ZNF804B: variants seen among roughly 807,000 people sequenced by gnomAD.
The protein encoded by ZNF804B is zinc finger protein 804B.
In ZNF804B, 80 loss-of-function variants were observed where a neutral mutation model predicts 101.4. The ratio of observed to expected loss-of-function variants is 0.79; its 90% CI spans 0.66 to 0.95. The LOEUF (loss-of-function observed/expected upper bound fraction) is 0.95, where lower values mean the gene tolerates loss of function less well. Among genes scored for constraint, ZNF804B ranks in the 40% least tolerant of loss-of-function variants. The pLI is 0.00. For synonymous variants in ZNF804B, 622 were observed against 558.8 expected, an observed-to-expected ratio of 1.11 and a Z score of -1.59; for missense variants, 1,673 against 1,561.9, an observed-to-expected ratio of 1.07 and a Z score of -1.20.
At chr7:89,154,901 A>G (rs1361848413) in intron 1 of ZNF804B, among the ~76,000 whole-genome samples, 1 of 152,108 alleles carries the variant, frequency 6.6e-6, no homozygotes, top group African/African-American at 2.4e-5. Flanking sequence ...TAATTGTGTT[A>G]CAGGATTTTT....
At chr7:89,000,606 A>G (rs532711105) in intron 1 of ZNF804B, among the ~76,000 whole-genome samples, 1 of 151,846 alleles carries the variant, frequency 6.6e-6, no homozygotes, top group Non-Finnish European at 1.5e-5. Flanking sequence ...CTTCCAACTG[A>G]AAGTTTGTAC....
At chr7:88,985,456 G>C (rs1429912669) in intron 1 of ZNF804B, among the ~76,000 whole-genome samples, 1 of 152,056 alleles carries the variant, frequency 6.6e-6, no homozygotes, top group Non-Finnish European at 1.5e-5. Context: ...AGAACCGCTT[G>C]TTTGAGATGC....
chr7:89,206,818 T>A (rs1385168427), intron 1 of ZNF804B, among the ~76,000 whole-genome samples: 1 of 152,184 alleles, frequency 6.6e-6, no homozygotes, highest in Non-Finnish European at 1.5e-5. Context: ...CCAAGTCAGC[T>A]TTTGAATGGG....
At chr7:89,224,869 T>G (rs17678587) in intron 2 of ZNF804B, among the ~76,000 whole-genome samples, 11,514 of 151,868 alleles carry the variant, frequency 0.076, 598 homozygotes, top group Non-Finnish European at 0.11. Context: ...CCTATTTAAC[T>G]CTCCCAAATT....
At chr7:89,297,241 C>A (rs562876075) in intron 2 of ZNF804B, among the ~76,000 whole-genome samples, 3 of 151,890 alleles carry the variant, frequency 2.0e-5, no homozygotes, top group Non-Finnish European at 4.4e-5. Context: ...CATGCTGTCC[C>A]GGAGTAGCAA....
At chr7:88,801,643 C>T (rs1790584876) in intron 1 of ZNF804B, among the ~76,000 whole-genome samples, 6 of 152,036 alleles carry the variant, frequency 3.9e-5, no homozygotes, top group African/African-American at 1.4e-4. Flanking sequence ...TCTTCTAGAT[C>T]CCATGGTAAG....
At chr7:89,128,630 A>G (rs1790505782) in intron 1 of ZNF804B, among the ~76,000 whole-genome samples, 1 of 151,956 alleles carries the variant, frequency 6.6e-6, no homozygotes, top group Non-Finnish European at 1.5e-5. Flanking sequence ...TGTGTGAAAT[A>G]TGTTAATTTC....
At chr7:89,296,602 TA>T (rs1261320566) in intron 2 of ZNF804B, among the ~76,000 whole-genome samples, 1 of 152,046 alleles carries the variant, frequency 6.6e-6, no homozygotes, top group African/African-American at 2.4e-5. Flanking sequence ...ACAAAATACA[TA>T]GGAGATCTCA....
intron 1 of ZNF804B, among the ~76,000 whole-genome samples, chr7:89,192,549 C>T (rs190873559): frequency 4.6e-5 from 7 of 151,996 alleles, no homozygotes; most frequent in South Asian, 2.1e-4. Flanking sequence ...TAACCTATAG[C>T]GACTTATTGT....
chr7:89,327,542 A>G, intron 3 of ZNF804B, 68 bp downstream of exon 3: 3 of 1,566,814 alleles, frequency 1.9e-6, no homozygotes, highest in Admixed American at 2.0e-5. Flanking sequence ...TTAAAGGCAA[A>G]TCTACTGTAA....
chr7:89,240,271 G>A (rs116811288), intron 2 of ZNF804B, among the ~76,000 whole-genome samples: 5,409 of 152,058 alleles, frequency 0.036, 293 homozygotes, highest in African/African-American at 0.12. Flanking sequence ...GCTTGAATAA[G>A]TACTTTAGCT....
At chr7:89,314,039 G>GT (rs1160052767) in intron 2 of ZNF804B, among the ~76,000 whole-genome samples, 1 of 151,938 alleles carries the variant, frequency 6.6e-6, no homozygotes, top group Non-Finnish European at 1.5e-5. Context: ...AAGAAATCCA[G>GT]TTTTTCCCCC....
intron 1 of ZNF804B, among the ~76,000 whole-genome samples, chr7:89,043,762 G>T (rs1299389326): frequency 6.6e-6 from 1 of 152,102 alleles, no homozygotes; most frequent in African/African-American, 2.4e-5. Flanking sequence ...TAAAGGGAAG[G>T]TCTTCACTGA....
At chr7:89,246,947 C>T (rs1035024727) in intron 2 of ZNF804B, among the ~76,000 whole-genome samples, 1 of 152,150 alleles carries the variant, frequency 6.6e-6, no homozygotes, top group Non-Finnish European at 1.5e-5. Context: ...TTCAGACCAC[C>T]TGCTTGCCTG....
intron 1 of ZNF804B, among the ~76,000 whole-genome samples, chr7:88,833,471 G>T (rs2115788363): frequency 6.6e-6 from 1 of 151,958 alleles, no homozygotes; most frequent in Non-Finnish European, 1.5e-5. Context: ...TGTTGCTAGG[G>T]AGTTACAATA....
chr7:89,113,687 T>C (rs755150505), intron 1 of ZNF804B, among the ~76,000 whole-genome samples: 13 of 152,158 alleles, frequency 8.5e-5, no homozygotes, highest in Non-Finnish European at 1.8e-4. Flanking sequence ...GCGCTGTGGC[T>C]CATACCTGTA....
At chr7:88,856,001 A>G (rs1335311001) in intron 1 of ZNF804B, among the ~76,000 whole-genome samples, 1 of 152,146 alleles carries the variant, frequency 6.6e-6, no homozygotes. Flanking sequence ...TGTTTTGGTT[A>G]CTGTAGCCTT....
intron 1 of ZNF804B, among the ~76,000 whole-genome samples, chr7:89,091,162 A>AT (rs1238443265): frequency 1.3e-5 from 2 of 152,142 alleles, no homozygotes; most frequent in Non-Finnish European, 2.9e-5. Flanking sequence ...AAACCACAGC[A>AT]TATCTAAAAA....
rs984534398 is a variant in ZNF804B at position 88,845,305 on chromosome 7, A to G, written c.108+85221A>G. 4.2e-4 allele frequency among the ~76,000 whole-genome samples: 64 copies of G among 151,122 alleles called. 2 individuals are homozygous for G. In the East Asian group the frequency reaches 0.011, roughly 27 times the overall value. ...CACGCGCGCGCGCACGCGCGCGCAC[A>G]CACACACACACACACAATAACAACA... is the stretch of plus-strand genomic sequence containing the variant. On this transcript the variant is annotated intron_variant, in intron 1 of 3. Coordinates refer to ENST00000333190, the MANE Select transcript of ZNF804B (RefSeq NM_181646.5).
Sources: allele counts gnomAD v4.1 joint callset (sites outside exome capture counted in the v4.1 genomes callset), GRCh38; gene constraint gnomAD v4.1.1; transcripts MANE v1.5; gene names NCBI Gene and HGNC (gene_info 2026-07-23, HGNC 2026-07-21).